MERTK: variants seen among roughly 807,000 people sequenced by gnomAD.
MERTK encodes the protein MER proto-oncogene, tyrosine kinase.
Under a neutral mutation model 99.3 loss-of-function variants are expected in MERTK, and 69 were observed. The ratio of observed to expected loss-of-function variants is 0.70; its 90% CI spans 0.57 to 0.85. MERTK has a LOEUF of 0.85. Among genes scored for constraint, MERTK ranks in the 40% least tolerant of loss-of-function variants. The pLI is 0.00. For synonymous variants in MERTK, 426 were observed against 467.6 expected (o/e 0.91, Z 1.15); for missense variants, 1,125 against 1,249.4 (o/e 0.90, Z 1.50).
intron 11 of MERTK, among the ~76,000 whole-genome samples, 153 bp downstream of exon 11, chr2:112,001,439 G>A (rs1277516286): frequency 6.6e-6 from 1 of 152,170 alleles, no homozygotes; most frequent in Non-Finnish European, 1.5e-5. Flanking sequence ...CAAGTAGATA[G>A]CCAGACATTG....
chr2:112,010,862 G>C (rs10181117), intron 15 of MERTK, among the ~76,000 whole-genome samples: 2 of 152,152 alleles, frequency 1.3e-5, no homozygotes, highest in Non-Finnish European at 2.9e-5. Context: ...TGCCTTGCAC[G>C]CATCTTCTCT....
Position 112,017,429 on chromosome 2 carries a change from A to G in MERTK, c.2080-1984A>G, listed in dbSNP as rs182758841. Among the ~76,000 whole-genome samples, 376 of 152,230 alleles carry G rather than the reference A, an allele frequency of 2.5e-3. 3 individuals are homozygous for G. The highest frequency in any genetic ancestry group is 8.4e-3 in the African/African-American group (349 of 41,522). Reference sequence around the variant, plus strand: ...CTGGCTTCACCTTTCAAGGAGTTTGAGACTGGCCTGGCCAACATGGAGAAA... The same window carrying G: ...CTGGCTTCACCTTTCAAGGAGTTTGGGACTGGCCTGGCCAACATGGAGAAA... On this transcript the variant is annotated intron_variant, in intron 15 of 18. Transcript: ENST00000295408.
At chr2:112,014,879 T>C (rs62162482) in intron 15 of MERTK, among the ~76,000 whole-genome samples, 3,843 of 152,126 alleles carry the variant, frequency 0.025, 80 homozygotes, top group Non-Finnish European at 0.037. Context: ...CCTTAAATGA[T>C]CCACCCGCTT....
At chr2:111,941,185 A>G (rs1684860318) in intron 2 of MERTK, 1 of 309,096 alleles carries the variant, frequency 3.2e-6, no homozygotes, top group South Asian at 3.5e-5. Context: ...ACAGAGTTCG[A>G]AAGGAAAATA....
At chr2:112,017,515 A>G (rs1016168100) in intron 15 of MERTK, among the ~76,000 whole-genome samples, 7 of 152,082 alleles carry the variant, frequency 4.6e-5, no homozygotes, top group Non-Finnish European at 8.8e-5. Context: ...CTGTAATACC[A>G]GCTACTTGGG....
chr2:111,913,090 C>G (rs1452784180), intron 1 of MERTK: 1 of 984,822 alleles, frequency 1.0e-6, no homozygotes, highest in Non-Finnish European at 1.2e-6. Flanking sequence ...GGTACTGGGT[C>G]CTTTGCTTTT....
At chr2:111,927,064 C>T (rs1456576792) in intron 1 of MERTK, among the ~76,000 whole-genome samples, 1 of 152,094 alleles carries the variant, frequency 6.6e-6, no homozygotes, top group Non-Finnish European at 1.5e-5. Context: ...CATAGCCCTC[C>T]CCTAAAGCAC....
At position 111,928,404 on chromosome 2, in the gene MERTK, G is replaced by GT. The variant is rs1160607069; in HGVS notation, c.62-705dup. Among the ~76,000 whole-genome samples the GT allele has an allele frequency of 1.7e-3, 240 of 140,526 alleles. 1 individual carries two copies. Among genetic ancestry groups the GT allele is most frequent in the African/African-American group, 3.7e-3 (140 of 38,344 alleles). The allele number at this position is 140,526 out of a possible 152,430, so 92.2% of individuals were successfully genotyped here. On this transcript the variant is annotated intron_variant, in intron 1 of 18. Coordinates refer to ENST00000295408, the MANE Select transcript of MERTK (RefSeq NM_006343.3). ...ACACATCTGGCTAATTTTTGGGGTG[G>GT]TTTTTTTTTTTCGAACCTCAATCAG...
chr2:111,972,761 T>C (rs964391056), intron 6 of MERTK, among the ~76,000 whole-genome samples: 2 of 152,212 alleles, frequency 1.3e-5, no homozygotes, highest in Non-Finnish European at 2.9e-5. Flanking sequence ...GACATACCTA[T>C]ACTGAAAAGT....
In MERTK at chr2:111,968,268, G is replaced by A. The variant is rs1685399019; in HGVS notation, c.960+16G>A. 6.3e-7 allele frequency: 1 copy of A among 1,587,028 alleles called. No individual in the cohort carries two copies. The highest frequency in any genetic ancestry group is 8.7e-7 in the Non-Finnish European group (1 of 1,155,506). On this transcript the variant is annotated intron_variant, in intron 6 of 18. Coordinates refer to ENST00000295408, the MANE Select transcript of MERTK (RefSeq NM_006343.3). ...CAGCATTCAGGTAAAGTTCCAGGGTGAAGAGGGAAGTAGCTGTTTGGTGCT... is the reference window on the plus strand; with the variant it reads ...CAGCATTCAGGTAAAGTTCCAGGGTAAAGAGGGAAGTAGCTGTTTGGTGCT...
At chr2:111,983,159 T>C (rs1232534436) in intron 8 of MERTK, among the ~76,000 whole-genome samples, 166 bp downstream of exon 8, 3 of 152,230 alleles carry the variant, frequency 2.0e-5, no homozygotes, top group African/African-American at 7.2e-5. Flanking sequence ...TAGAGGTGAC[T>C]GAACAGTTAC....
At chr2:111,965,334 A>C in intron 5 of MERTK, 57 bp downstream of exon 5, 1 of 1,560,612 alleles carries the variant, frequency 6.4e-7, no homozygotes. Context: ...AGGGTACAGC[A>C]TGAGCTTGCA....
chr2:111,961,826 C>T (rs1003480539), intron 4 of MERTK, among the ~76,000 whole-genome samples: 1 of 152,204 alleles, frequency 6.6e-6, no homozygotes, highest in African/African-American at 2.4e-5. Context: ...TACAGCGTCT[C>T]TCAGTCACAG....
At chr2:111,931,804 GTC>G (rs1474135578) in intron 2 of MERTK, among the ~76,000 whole-genome samples, 4 of 152,148 alleles carry the variant, frequency 2.6e-5, no homozygotes, top group Non-Finnish European at 2.9e-5. Flanking sequence ...CTACCTTGCT[GTC>G]TCTCTGGACT....
At chr2:111,979,240 T>G (rs1373914166) in intron 7 of MERTK, among the ~76,000 whole-genome samples, 1 of 152,234 alleles carries the variant, frequency 6.6e-6, no homozygotes, top group Non-Finnish European at 1.5e-5. Flanking sequence ...TTGCATATCC[T>G]TATGTAATAC....
In MERTK at chr2:111,999,017, A is replaced by G. The variant is rs1003652232; in HGVS notation, c.1604+1541A>G. ...AAAAGTAACATTATATTTTTTTAAA[A>G]ATCAGATTATATCGAATAGTCAAAA... On this transcript the variant is annotated intron_variant, in intron 10 of 18. Coordinates refer to ENST00000295408, the MANE Select transcript of MERTK (RefSeq NM_006343.3). Among the ~76,000 whole-genome samples the G allele has an allele frequency of 2.1e-4, 32 of 152,182 alleles. 1 individual carries two copies. The highest frequency in any genetic ancestry group is 2.0e-3 in the Admixed American group (30 of 15,278).
intron 14 of MERTK, chr2:112,008,803 G>C (rs916991763): frequency 5.0e-6 from 2 of 396,738 alleles, no homozygotes; most frequent in African/African-American, 4.1e-5. Context: ...TTAATTTAAG[G>C]TTATGCATGA....
At chr2:112,010,412 G>T in intron 15 of MERTK, 1 of 275,086 alleles carries the variant, frequency 3.6e-6, no homozygotes, top group Non-Finnish European at 7.2e-6. Flanking sequence ...GGCCATTGAA[G>T]GTGGCTCTCC....
chr2:111,917,423 T>C (rs1337203139), intron 1 of MERTK, among the ~76,000 whole-genome samples: 1 of 152,130 alleles, frequency 6.6e-6, no homozygotes, highest in Non-Finnish European at 1.5e-5. Flanking sequence ...GAGCAGTTTA[T>C]TGTCTAAAAG....
Sources: gnomAD v4.1 joint callset for allele counts (sites outside exome capture counted in the v4.1 genomes callset) on GRCh38, gnomAD v4.1.1 for gene constraint, MANE v1.5 for transcripts, NCBI Gene and HGNC (gene_info 2026-07-23, HGNC 2026-07-21) for gene names.